The following LIMA1 variants were observed in gnomAD, a reference collection of about 807,000 sequenced individuals.
The protein encoded by LIMA1 is LIM domain and actin binding 1.
A neutral mutation model predicts 62.6 loss-of-function variants in LIMA1; 52 were observed. The ratio of observed to expected loss-of-function variants is 0.83; its 90% CI spans 0.67 to 1.05. The LOEUF (loss-of-function observed/expected upper bound fraction) is 1.05, where lower values mean the gene tolerates loss of function less well. LIMA1 is among the 50% of genes least tolerant of loss of function. The pLI is 0.00. For missense variants in LIMA1, 780 were observed against 902.2 expected (o/e 0.86, Z 1.74); for synonymous variants, 302 against 317.8 (o/e 0.95, Z 0.53).
rs1052502946 is a variant in LIMA1 at position 50,280,742 on chromosome 12, T to C, written c.-24+2678A>G. Reference sequence around the variant, plus strand: ...TATGGTCCTACCTTATCATCCACCATAGACTCTCAACTCCATAATCATTAA... The same window carrying C: ...TATGGTCCTACCTTATCATCCACCACAGACTCTCAACTCCATAATCATTAA... On this transcript the variant is annotated intron_variant, in intron 1 of 10. Coordinates refer to ENST00000341247, the MANE Select transcript of LIMA1 (RefSeq NM_016357.5). 2.6e-5 allele frequency among the ~76,000 whole-genome samples: 4 copies of C among 152,304 alleles called. No homozygotes were observed. The East Asian group carries it at 7.7e-4, about 29-fold the overall frequency.
intron 2 of LIMA1, among the ~76,000 whole-genome samples, chr12:50,232,379 T>C (rs963743891): frequency 2.7e-4 from 40 of 150,616 alleles, no homozygotes; most frequent in African/African-American, 7.6e-4. Context: ...TTTTCTTTTT[T>C]TTTTTTTTGA....
intron 4 of LIMA1, among the ~76,000 whole-genome samples, chr12:50,215,470 T>G (rs1592527241): frequency 6.6e-6 from 1 of 152,046 alleles, no homozygotes; most frequent in South Asian, 2.1e-4. Flanking sequence ...TTTATTTTAT[T>G]TATTTATTTA....
At chr12:50,254,633 G>A (rs1233233964) in intron 1 of LIMA1, among the ~76,000 whole-genome samples, 1 of 152,164 alleles carries the variant, frequency 6.6e-6, no homozygotes, top group Non-Finnish European at 1.5e-5. Context: ...GACTCACTGG[G>A]AAATCTGCCC....
At chr12:50,195,656 A>T in intron 8 of LIMA1, 174 bp downstream of exon 8, 1 of 472,014 alleles carries the variant, frequency 2.1e-6, no homozygotes, top group Non-Finnish European at 3.6e-6. Context: ...AATTGAATTT[A>T]ACTTCTCCTT....
In LIMA1 at chr12:50,192,512, T is replaced by C. The variant is rs751325221; in HGVS notation, c.1080A>G (p.Pro360=). ...TGGAGGCTCTGGAATCTGGACTTAG[T>C]GGCTTGGGATGGACAGGCTGTTGAA... ...SEVQQPVHPK[P]LSPDSRASSL... Residue 360 remains proline, a synonymous_variant, in exon 9 of 11, where the codon CCA becomes CCG. Coordinates refer to ENST00000341247, the MANE Select transcript of LIMA1 (RefSeq NM_016357.5). The C allele has an allele frequency of 1.9e-6, 3 of 1,614,116 alleles. No individual in the cohort carries two copies. Among genetic ancestry groups the C allele is most frequent in the South Asian group, 1.1e-5 (1 of 91,074 alleles).
chr12:50,200,693 A>G, intron 7 of LIMA1, 84 bp downstream of exon 7: 2 of 1,421,470 alleles, frequency 1.4e-6, no homozygotes, highest in Non-Finnish European at 2.0e-6. Flanking sequence ...TCTACAGCCT[A>G]GAGTTAGAGT....
Position 50,177,093 on chromosome 12 carries a change from A to G in LIMA1, c.2251T>C (p.Tyr751His), listed in dbSNP as rs1050756262. ...TCTTCATCCTCATCCTCATCATAAT[A>G]CCGATTTCTCTTTATCTGTTCTTCC... ...SVEEQIKRNR[Y>H]YDEDEDEE The change falls in exon 11 of 11, where the codon TAT (tyrosine) becomes CAT (histidine). Residue 751 changes from tyrosine to histidine, a missense_variant. Physicochemically the swap from Tyr to His is moderately conservative, Grantham distance 83. Coordinates refer to ENST00000341247, the MANE Select transcript of LIMA1 (RefSeq NM_016357.5). 3.1e-6 allele frequency: 5 copies of G among 1,593,432 alleles called. No homozygotes were observed. Among genetic ancestry groups the G allele is most frequent in the Non-Finnish European group, 4.3e-6 (5 of 1,171,084 alleles).
intron 9 of LIMA1, 53 bp downstream of exon 9, chr12:50,192,399 A>T (rs1035970944): frequency 2.6e-6 from 3 of 1,168,414 alleles, no homozygotes; most frequent in Admixed American, 3.4e-5. Context: ...AGGTACAATT[A>T]GCTCTACCAG....
In LIMA1 at chr12:50,192,465, G is replaced by A; in HGVS notation, c.1127C>T (p.Pro376Leu). 1 of 1,611,740 alleles carries A rather than the reference G, an allele frequency of 6.2e-7. No homozygotes were observed. Among genetic ancestry groups the A allele is most frequent in the East Asian group, 2.2e-5 (1 of 44,874 alleles). Reference protein sequence around the residue: ...RASSLSESSPPKAMKKFQAPA... With the variant: ...RASSLSESSPLKAMKKFQAPA... ...TTGCCATCATACCTTCATTGCTTTG[G>A]GAGGAGAACTTTCAGAAAGACTGGA... is the stretch of plus-strand genomic sequence containing the variant. The change falls in exon 9 of 11, where the codon CCC (proline) becomes CTC (leucine). Residue 376 changes from proline to leucine, a missense_variant. Transcript: ENST00000341247.
chr12:50,273,631 T>C (rs1194163666), intron 1 of LIMA1, among the ~76,000 whole-genome samples: 1 of 152,230 alleles, frequency 6.6e-6, no homozygotes, highest in African/African-American at 2.4e-5. Context: ...TTATAATGTC[T>C]GGTTCAACTA....
chr12:50,255,662 T>C (rs939208098), intron 1 of LIMA1, among the ~76,000 whole-genome samples: 2 of 151,540 alleles, frequency 1.3e-5, no homozygotes, highest in African/African-American at 2.4e-5. Context: ...GAGTTTTAGT[T>C]TTTCTACCAA....
At chr12:50,258,515 T>C (rs1942026469) in intron 1 of LIMA1, among the ~76,000 whole-genome samples, 1 of 151,928 alleles carries the variant, frequency 6.6e-6, no homozygotes, top group African/African-American at 2.4e-5. Context: ...CAGGCTGGTG[T>C]CAAACTCCTG....
At chr12:50,193,308 A>C (rs183800788) in intron 8 of LIMA1, among the ~76,000 whole-genome samples, 93 of 151,502 alleles carry the variant, frequency 6.1e-4, no homozygotes, top group African/African-American at 2.2e-3. Context: ...TTCAAGCAGA[A>C]GGAGTTTTTC....
intron 8 of LIMA1, among the ~76,000 whole-genome samples, chr12:50,193,512 TATG>T (rs1940831602): frequency 2.2e-5 from 3 of 138,144 alleles, no homozygotes; most frequent in Non-Finnish European, 3.1e-5. Flanking sequence ...TATGTGTATA[TATG>T]ATATATATAC....
At chr12:50,256,347 A>C (rs1430193331) in intron 1 of LIMA1, 1 of 152,002 alleles carries the variant, frequency 6.6e-6, no homozygotes, top group Non-Finnish European at 1.5e-5. Context: ...GTGAGCACTC[A>C]CCTTTTATTC....
rs377316113 is a variant in LIMA1, at chr12:50,178,967, T to TA, written c.1275-899_1275-898insT. ...ATATAAATACATATATATATATATATTTTTTTTTTCTTTTTCTTTTCTTTT... is the reference window on the plus strand; with the variant it reads ...ATATAAATACATATATATATATATATATTTTTTTTTCTTTTTCTTTTCTTTT... On this transcript the variant is annotated intron_variant, in intron 10 of 10. Coordinates refer to ENST00000341247, the MANE Select transcript of LIMA1 (RefSeq NM_016357.5). Among the ~76,000 whole-genome samples the TA allele has an allele frequency of 0.03, 1,052 of 34,894 alleles. 14 individuals carry two copies. The East Asian group carries it at 0.46, about 15-fold the overall frequency. 22.9% of individuals were successfully genotyped at this position (34,894 alleles called of 152,430 possible).
At chr12:50,250,290 CA>C (rs11327744) in intron 1 of LIMA1, among the ~76,000 whole-genome samples, 22,599 of 65,094 alleles carry the variant, frequency 0.35, 1,077 homozygotes, top group South Asian at 0.43. Context: ...AACTCCGTTT[CA>C]AAAAAAAAAA....
chr12:50,245,157 G>C (rs959874308), intron 2 of LIMA1, among the ~76,000 whole-genome samples: 8 of 152,156 alleles, frequency 5.3e-5, no homozygotes, highest in Non-Finnish European at 1.0e-4. Context: ...GTTCACACCT[G>C]TAATCCCAGC....
intron 1 of LIMA1, among the ~76,000 whole-genome samples, chr12:50,278,654 C>G (rs1324831371): frequency 1.3e-5 from 2 of 152,116 alleles, no homozygotes; most frequent in African/African-American, 2.4e-5. Flanking sequence ...AATTTGTTCT[C>G]AATTGTTTTC....
Sources: allele counts gnomAD v4.1 joint callset (sites outside exome capture counted in the v4.1 genomes callset), GRCh38; gene constraint gnomAD v4.1.1; transcripts MANE v1.5; gene names NCBI Gene and HGNC (gene_info 2026-07-23, HGNC 2026-07-21).